PKHD1: variants seen among roughly 807,000 people sequenced by gnomAD.
The protein encoded by PKHD1 is PKHD1 ciliary IPT domain containing fibrocystin/polyductin.
A neutral mutation model predicts 412.0 loss-of-function variants in PKHD1; 291 were observed. The ratio of observed to expected loss-of-function variants is 0.71; its 90% CI spans 0.64 to 0.78. PKHD1 has a LOEUF of 0.78. Among genes scored for constraint, PKHD1 ranks in the 30% least tolerant of loss-of-function variants. The pLI, the probability that PKHD1 is intolerant of heterozygous loss-of-function variation, is 0.00. For missense variants in PKHD1, 4,825 were observed against 4,950.7 expected (o/e 0.97, Z 0.76); for synonymous variants, 1,777 against 1,821.5 (o/e 0.98, Z 0.62).
chr6:52,079,833 G>A (rs1277162669), intron 5 of PKHD1, 67 bp downstream of exon 5: 5 of 885,524 alleles, frequency 5.6e-6, no homozygotes, highest in Admixed American at 1.7e-5. Flanking sequence ...TTTACAATTT[G>A]CCTTTCAATA....
At chr6:52,021,312 C>G (rs569077469) in intron 33 of PKHD1, among the ~76,000 whole-genome samples, 102 of 152,290 alleles carry the variant, frequency 6.7e-4, no homozygotes, top group Admixed American at 2.2e-3. Flanking sequence ...TAAAATATCA[C>G]AACTTACCTG....
At chr6:51,902,067 T>A (rs888265591) in intron 43 of PKHD1, among the ~76,000 whole-genome samples, 9 of 152,172 alleles carry the variant, frequency 5.9e-5, no homozygotes, top group African/African-American at 2.2e-4. Flanking sequence ...GACCACATAC[T>A]ACCCAGTGAG....
rs151096339 is a variant in PKHD1, at chr6:51,628,775, G to T, written c.11666-1659C>A. On this transcript the variant is annotated intron_variant, in intron 65 of 66. Coordinates refer to ENST00000371117, the MANE Select transcript of PKHD1 (RefSeq NM_138694.4). The stretch of plus-strand genomic sequence containing the variant: ...TTTTTAATAATTGCCATTCTGACTG[G>T]TGTGAGATGGTATCTTATTGTATAC... Among the ~76,000 whole-genome samples the T allele has an allele frequency of 6.1e-3, 930 of 152,222 alleles. 10 individuals carry two copies. The highest frequency in any genetic ancestry group is 0.021 in the African/African-American group (871 of 41,548).
chr6:51,849,481 C>T (rs1771800834), intron 49 of PKHD1, among the ~76,000 whole-genome samples: 1 of 152,194 alleles, frequency 6.6e-6, no homozygotes, highest in Non-Finnish European at 1.5e-5. Context: ...CTGTCTTCCA[C>T]AATGGTTGAA....
At chr6:51,839,657 C>G (rs1039788878) in intron 50 of PKHD1, among the ~76,000 whole-genome samples, 1 of 152,118 alleles carries the variant, frequency 6.6e-6, no homozygotes, top group Non-Finnish European at 1.5e-5. Flanking sequence ...TCTCCCTAAC[C>G]AGGTCTAATT....
At chr6:51,967,916 C>T (rs1793074236) in intron 35 of PKHD1, among the ~76,000 whole-genome samples, 1 of 152,092 alleles carries the variant, frequency 6.6e-6, no homozygotes, top group African/African-American at 2.4e-5. Flanking sequence ...GACGGCACTG[C>T]CTTCGAAAAC....
intron 43 of PKHD1, among the ~76,000 whole-genome samples, chr6:51,894,091 T>C (rs1779520400): frequency 6.6e-6 from 1 of 152,198 alleles, no homozygotes; most frequent in Non-Finnish European, 1.5e-5. Context: ...AGGTTATGTC[T>C]TCTGGAAAGA....
chr6:51,765,199 AC>A (rs1392876650), intron 55 of PKHD1, among the ~76,000 whole-genome samples: 1 of 151,966 alleles, frequency 6.6e-6, no homozygotes, highest in Non-Finnish European at 1.5e-5. Flanking sequence ...CATCAGGAGG[AC>A]CAGTTGTTCT....
chr6:51,825,216 C>A (rs143762638), intron 52 of PKHD1, among the ~76,000 whole-genome samples: 4 of 152,268 alleles, frequency 2.6e-5, no homozygotes, highest in Admixed American at 1.3e-4. Context: ...AAGACAGCTG[C>A]AAATTCTTAG....
intron 43 of PKHD1, among the ~76,000 whole-genome samples, chr6:51,891,698 C>T (rs1277940350): frequency 2.7e-5 from 4 of 149,488 alleles, no homozygotes; most frequent in Admixed American, 2.7e-4. Flanking sequence ...GAATGTACCA[C>T]ATGTTCCACA....
intron 35 of PKHD1, among the ~76,000 whole-genome samples, chr6:52,002,958 T>G (rs2115813): frequency 0.46 from 70,066 of 151,990 alleles, 17,648 homozygotes; most frequent in Admixed American, 0.58. Flanking sequence ...CAGACATATA[T>G]GCCTTCATCC....
chr6:51,982,618 C>T (rs980865192), intron 35 of PKHD1, among the ~76,000 whole-genome samples: 11 of 148,020 alleles, frequency 7.4e-5, no homozygotes, highest in African/African-American at 9.9e-5. Context: ...GCAGCATGCT[C>T]GTCAAGAGTC....
rs922011935 is a variant in PKHD1, at chr6:52,055,516, T to C, written c.1836+71A>G. On this transcript the variant is annotated intron_variant, in intron 19 of 66. Transcript: ENST00000371117. The stretch of plus-strand genomic sequence containing the variant: ...ATCACTCCTTTGTGCTTCTGAGTTT[T>C]CAGTCTTGAATCCAGAGAGCAATAC... 1.9e-5 allele frequency: 30 copies of C among 1,549,308 alleles called. No homozygotes were observed. In the African/African-American group the frequency reaches 3.8e-4, roughly 20 times the overall value.
intron 43 of PKHD1, among the ~76,000 whole-genome samples, chr6:51,891,027 C>A (rs938483106): frequency 6.6e-6 from 1 of 152,054 alleles, no homozygotes; most frequent in African/African-American, 2.4e-5. Context: ...AAGTTCTGAC[C>A]CATCCAAGGA....
Position 51,619,095 on chromosome 6 carries a change from G to A in PKHD1, c.12211C>T (p.Gln4071Ter). 1 of 1,614,128 alleles carries A rather than the reference G, an allele frequency of 6.2e-7. No homozygotes were observed. The highest frequency in any genetic ancestry group is 8.5e-7 in the Non-Finnish European group (1 of 1,179,962). Residue 4071 changes from glutamine (Q) to a stop codon, truncating the protein, a stop_gained, in exon 67 of 67, where the codon CAG (glutamine) becomes TAG (stop). Transcript: ENST00000371117. LOFTEE classifies it high-confidence loss of function. Reference sequence around the variant, plus strand: ...AACTTCCCTGATCACAGTTGCTCCTGAATAGTTTCCGGGTGTACTGAATGA... The same window carrying A: ...AACTTCCCTGATCACAGTTGCTCCTAAATAGTTTCCGGGTGTACTGAATGA... Reference protein sequence around the residue: ...CLHSVHPETIQEQL With the variant: ...CLHSVHPETI
Position 51,659,190 on chromosome 6 carries a change from A to C in PKHD1, c.10936T>G (p.Ser3646Ala), listed in dbSNP as rs746099844. The C allele has an allele frequency of 5.6e-6, 9 of 1,613,700 alleles. No individual in the cohort carries two copies. In the East Asian group the frequency reaches 2.0e-4, roughly 36 times the overall value. Residue 3646 changes from serine (S) to alanine (A), a missense_variant, in exon 61 of 67, where the codon TCA (serine) becomes GCA (alanine). Physicochemically the swap from Ser to Ala is moderately conservative, Grantham distance 99. Coordinates refer to ENST00000371117, the MANE Select transcript of PKHD1 (RefSeq NM_138694.4). ...GTCATTGGGGGTGAAGCCCTATGTG[A>C]GTTCATTTCCATCATGAGAGGCCTA... is the stretch of plus-strand genomic sequence containing the variant. ...QRRPLMMEMN[S>A]HRASPPMTVE...
chr6:51,915,760 C>T (rs1783692215), intron 37 of PKHD1, among the ~76,000 whole-genome samples: 1 of 151,924 alleles, frequency 6.6e-6, no homozygotes, highest in Non-Finnish European at 1.5e-5. Flanking sequence ...TACTACCTTC[C>T]TAAATGGAGA....
chr6:51,771,450 C>A (rs1014819468), intron 55 of PKHD1, among the ~76,000 whole-genome samples: 2 of 151,990 alleles, frequency 1.3e-5, no homozygotes, highest in African/African-American at 4.8e-5. Context: ...GGTGAAACAT[C>A]TCTACTAAAA....
intron 64 of PKHD1, among the ~76,000 whole-genome samples, chr6:51,634,062 T>TAA (rs1003480277): frequency 2.7e-5 from 4 of 145,782 alleles, no homozygotes; most frequent in Middle Eastern, 3.2e-3. Context: ...CAGGTTTATT[T>TAA]AAAAAAAAAA....
Sources: gnomAD v4.1 joint callset for allele counts (sites outside exome capture counted in the v4.1 genomes callset) on GRCh38, gnomAD v4.1.1 for gene constraint, MANE v1.5 for transcripts, NCBI Gene and HGNC (gene_info 2026-07-23, HGNC 2026-07-21) for gene names.